ERC2: variants seen among roughly 807,000 people sequenced by gnomAD.
The protein encoded by ERC2 is ERC protein 2.
A neutral mutation model predicts 114.8 loss-of-function variants in ERC2; 42 were observed. The observed-to-expected ratio is 0.37, with a 90% CI of 0.29 to 0.47. The LOEUF is 0.47. Ranked by LOEUF, ERC2 falls within the 20% of genes least tolerant of loss-of-function variation. The probability of loss-of-function intolerance (pLI) is 0.99; values close to 1 mark genes in which losing one functional copy is unlikely to be tolerated. For synonymous variants in ERC2, 454 were observed against 425.5 expected (o/e 1.07, Z -0.82); for missense variants, 939 against 1,150.7 (o/e 0.82, Z 2.66).
intron 11 of ERC2, 22 bp downstream of exon 11, chr3:55,992,035 T>C (rs764947809): frequency 4.4e-6 from 7 of 1,607,372 alleles, no homozygotes; most frequent in Non-Finnish European, 6.0e-6. Flanking sequence ...CTGCCAACAA[T>C]TTATATAACT....
chr3:55,950,367 T>C, intron 13 of ERC2, 58 bp downstream of exon 13: 1 of 1,596,894 alleles, frequency 6.3e-7, no homozygotes, highest in Non-Finnish European at 8.5e-7. Flanking sequence ...AATGGTGACA[T>C]TTCTGAGAGA....
chr3:56,348,936 GAAGGAAGGAAGGA>G lies in ERC2; in HGVS notation c.658-52514_658-52502del, dbSNP rs1205354829. Among the ~76,000 whole-genome samples, 496 of 139,482 alleles carry G rather than the reference GAAGGAAGGAAGGA, an allele frequency of 3.6e-3. 5 individuals are homozygous for G. The highest frequency in any genetic ancestry group is 0.012 in the African/African-American group (451 of 36,088). 91.5% of individuals were successfully genotyped at this position (139,482 alleles called of 152,430 possible). A position where few individuals can be genotyped will look rare whatever the true frequency, so the allele number is the denominator to read the frequency against. On this transcript the variant is annotated intron_variant, in intron 2 of 17. Coordinates refer to ENST00000288221, the MANE Select transcript of ERC2 (RefSeq NM_015576.3). ...GGAAGGAAGGAAGGAAGGAAGGAAG[GAAGGAAGGAAGGA>G]AGGAAGGAAAGAAAGAAAGAAGGAA...
chr3:55,966,577 A>G (rs979034848), intron 12 of ERC2, among the ~76,000 whole-genome samples: 6 of 152,154 alleles, frequency 3.9e-5, no homozygotes. Flanking sequence ...CATAGACCAG[A>G]AAAATGAGGA....
intron 2 of ERC2, among the ~76,000 whole-genome samples, chr3:56,339,870 C>T (rs2058016942): frequency 6.6e-6 from 1 of 152,162 alleles, no homozygotes; most frequent in Non-Finnish European, 1.5e-5. Context: ...CACTACCAGG[C>T]CTTGGACCCA....
intron 13 of ERC2, among the ~76,000 whole-genome samples, chr3:55,893,279 C>T (rs185089547): frequency 2.0e-5 from 3 of 152,280 alleles, no homozygotes; most frequent in African/African-American, 7.2e-5. Context: ...AATTACTCAT[C>T]TTCCTGCAGC....
At chr3:55,953,623 C>T (rs2067728803) in intron 12 of ERC2, among the ~76,000 whole-genome samples, 1 of 152,088 alleles carries the variant, frequency 6.6e-6, no homozygotes, top group African/African-American at 2.4e-5. Flanking sequence ...GCCTCACTAC[C>T]AGATAACCCC....
chr3:55,647,164 T>A (rs893095965), intron 17 of ERC2: 6 of 152,178 alleles, frequency 3.9e-5, no homozygotes, highest in Non-Finnish European at 8.8e-5. Context: ...TTCATTAGTA[T>A]TTAGTGACCT....
At chr3:56,408,430 A>G in intron 2 of ERC2, among the ~76,000 whole-genome samples, 1 of 152,044 alleles carries the variant, frequency 6.6e-6, no homozygotes, top group East Asian at 1.9e-4. Context: ...AGATAGGCAT[A>G]ATGTGGGACT....
At chr3:55,621,818 C>A (rs75487534) in intron 17 of ERC2, among the ~76,000 whole-genome samples, 1 of 151,988 alleles carries the variant, frequency 6.6e-6, no homozygotes, top group Non-Finnish European at 1.5e-5. Flanking sequence ...AGAACAAAGG[C>A]GTGGATTGGA....
chr3:56,298,550 C>T (rs1203362290), intron 2 of ERC2, among the ~76,000 whole-genome samples: 2 of 152,054 alleles, frequency 1.3e-5, no homozygotes, highest in Non-Finnish European at 2.9e-5. Flanking sequence ...GAATGAAGTG[C>T]TGACATACAG....
intron 2 of ERC2, among the ~76,000 whole-genome samples, chr3:56,340,658 TAATCGTCTGAC>T (rs1309576973): frequency 6.6e-6 from 1 of 151,804 alleles, no homozygotes. Flanking sequence ...ACAGCATGCA[TAATCGTCTGAC>T]AATTGCCCAC....
At chr3:55,959,937 C>T (rs569109167) in intron 12 of ERC2, among the ~76,000 whole-genome samples, 2 of 152,250 alleles carry the variant, frequency 1.3e-5, no homozygotes, top group East Asian at 3.9e-4. Flanking sequence ...TGAAAATATC[C>T]CCTGCTTCAG....
chr3:55,516,914 A>C (rs2052551311), intron 17 of ERC2, among the ~76,000 whole-genome samples: 1 of 152,176 alleles, frequency 6.6e-6, no homozygotes, highest in African/African-American at 2.4e-5. Context: ...ATAGCCCCTC[A>C]TGCAGATGAG....
chr3:56,358,089 T>C (rs935424948), intron 2 of ERC2, among the ~76,000 whole-genome samples: 3 of 152,108 alleles, frequency 2.0e-5, no homozygotes, highest in Non-Finnish European at 4.4e-5. Context: ...TGGGTTGATA[T>C]GTTTTCCAGT....
At chr3:55,608,148 G>A (rs757075841) in intron 17 of ERC2, among the ~76,000 whole-genome samples, 6 of 152,176 alleles carry the variant, frequency 3.9e-5, no homozygotes, top group Non-Finnish European at 8.8e-5. Context: ...CCAAAGACAC[G>A]TAGTCCAAAG....
intron 13 of ERC2, among the ~76,000 whole-genome samples, chr3:55,946,231 A>G (rs1028550615): frequency 6.6e-6 from 1 of 152,214 alleles, no homozygotes; most frequent in Non-Finnish European, 1.5e-5. Context: ...CATAAATATC[A>G]TGCCCAATAA....
At position 55,808,742 on chromosome 3, in the gene ERC2, T is replaced by TATAAAA. The variant is rs1455596885; in HGVS notation, c.2565-73825_2565-73824insTTTTAT. ...ATATATATATATATATATATATATATAACGTATAACTAAACATATATATAT... is the reference window on the plus strand; with the variant it reads ...ATATATATATATATATATATATATATATAAAAAACGTATAACTAAACATATATATAT... On this transcript the variant is annotated intron_variant, in intron 14 of 17. Transcript: ENST00000288221. 7.3e-4 allele frequency among the ~76,000 whole-genome samples: 73 copies of TATAAAA among 100,370 alleles called. 3 individuals are homozygous for TATAAAA. The highest frequency in any genetic ancestry group is 2.0e-3 in the African/African-American group (46 of 22,870). The allele number at this position is 100,370 out of a possible 152,430, so 65.8% of individuals were successfully genotyped here. A position where few individuals can be genotyped will look rare whatever the true frequency, so the allele number is the denominator to read the frequency against.
intron 13 of ERC2, among the ~76,000 whole-genome samples, chr3:55,930,908 GA>G (rs912642190): frequency 2.0e-5 from 3 of 151,344 alleles, no homozygotes; most frequent in East Asian, 3.9e-4. Flanking sequence ...AAATTTACAG[GA>G]AAAAAAACAA....
In ERC2 at chr3:55,508,377, C is replaced by T. The variant is rs138582731; in HGVS notation, c.*2939G>A. ...CGATCAGCACAAAGTACTTCTCATA[C>T]ACATGACAACAAATTTATGAACTGT... On this transcript the variant is annotated 3_prime_UTR_variant, in exon 18 of 18. Transcript: ENST00000288221. 2.6e-5 allele frequency: 4 copies of T among 152,620 alleles called. No homozygotes were observed. The highest frequency in any genetic ancestry group is 9.6e-5 in the African/African-American group (4 of 41,454). 9.5% of individuals were successfully genotyped at this position (152,620 alleles called of 1,614,324 possible). A position where few individuals can be genotyped will look rare whatever the true frequency, so the allele number is the denominator to read the frequency against.
Sources: gnomAD v4.1 joint callset for allele counts (sites outside exome capture counted in the v4.1 genomes callset) on GRCh38, gnomAD v4.1.1 for gene constraint, MANE v1.5 for transcripts, NCBI Gene and HGNC (gene_info 2026-07-23, HGNC 2026-07-21) for gene names.